The following HS3ST4 variants were observed in gnomAD, a reference collection of about 807,000 sequenced individuals.
HS3ST4 encodes heparan sulfate-glucosamine 3-sulfotransferase 4, also known as heparan sulfate glucosamine 3-O-sulfotransferase 4.
In HS3ST4, 17 loss-of-function variants were observed where a neutral mutation model predicts 29.2. The ratio of observed to expected loss-of-function variants is 0.58; its 90% CI spans 0.40 to 0.87. HS3ST4 has a LOEUF of 0.87. Ranked by LOEUF, HS3ST4 falls within the 40% of genes least tolerant of loss-of-function variation. HS3ST4 has a pLI of 0.00. For synonymous variants in HS3ST4, 314 were observed against 285.7 expected, an observed-to-expected ratio of 1.10 and a Z score of -1.00; for missense variants, 627 against 634.5, an observed-to-expected ratio of 0.99 and a Z score of 0.13.
rs370947868 is a variant in HS3ST4, at chr16:26,007,914, CT to C, written c.735-127684del. Among the ~76,000 whole-genome samples the C allele has an allele frequency of 8.3e-3, 1,204 of 144,588 alleles. 5 individuals carry two copies. The highest frequency in any genetic ancestry group is 0.019 in the African/African-American group (762 of 39,550). 94.9% of individuals were successfully genotyped at this position (144,588 alleles called of 152,430 possible). A position where few individuals can be genotyped will look rare whatever the true frequency, so the allele number is the denominator to read the frequency against. ...CCCAAGGCAGTTAGACACATGGCCA[CT>C]TTTTTTTTTTTTTAAAGCAGGAATT... On this transcript the variant is annotated intron_variant, in intron 1 of 1. Coordinates refer to ENST00000331351, the MANE Select transcript of HS3ST4 (RefSeq NM_006040.3).
intron 1 of HS3ST4, among the ~76,000 whole-genome samples, chr16:25,913,900 G>A (rs1375736720): frequency 6.7e-6 from 1 of 149,396 alleles, no homozygotes; most frequent in Non-Finnish European, 1.5e-5. Context: ...TTTGTGGAGT[G>A]TATGTGTGTG....
intron 1 of HS3ST4, among the ~76,000 whole-genome samples, chr16:26,126,021 A>C (rs1298249420): frequency 1.3e-5 from 2 of 152,346 alleles, no homozygotes; most frequent in South Asian, 2.1e-4. Context: ...GTTCTAACTC[A>C]AATTAAACCT....
rs142094396 is a variant in HS3ST4 at position 26,024,469 on chromosome 16, C to T, written c.735-111143C>T. ...TCTCAGGGCTGGGCGCAGTAGCTTA[C>T]ACCTGTAATCCCATCACTTTAGGAG... On this transcript the variant is annotated intron_variant, in intron 1 of 1. Coordinates refer to ENST00000331351, the MANE Select transcript of HS3ST4 (RefSeq NM_006040.3). Among the ~76,000 whole-genome samples the T allele has an allele frequency of 6.5e-3, 996 of 152,236 alleles. 6 individuals carry two copies. Among genetic ancestry groups the T allele is most frequent in the Non-Finnish European group, 0.011 (721 of 68,026 alleles).
intron 1 of HS3ST4, among the ~76,000 whole-genome samples, chr16:26,015,953 G>A (rs901364245): frequency 6.6e-6 from 1 of 152,104 alleles, no homozygotes; most frequent in Non-Finnish European, 1.5e-5. Context: ...GGTGGGGTGT[G>A]CTACTGAAAT....
chr16:25,920,605 C>CG (rs1478469976), intron 1 of HS3ST4, among the ~76,000 whole-genome samples: 60 of 150,052 alleles, frequency 4.0e-4, no homozygotes, highest in Admixed American at 1.3e-4. Context: ...CGCCCCCACC[C>CG]CTCTTTTTTT....
intron 1 of HS3ST4, among the ~76,000 whole-genome samples, chr16:26,046,437 C>T (rs1426259445): frequency 6.6e-6 from 1 of 152,148 alleles, no homozygotes; most frequent in African/African-American, 2.4e-5. Context: ...AGGCATGAGC[C>T]ACGGTACCCG....
chr16:26,077,244 G>A (rs1428944176), intron 1 of HS3ST4, among the ~76,000 whole-genome samples: 1 of 152,238 alleles, frequency 6.6e-6, no homozygotes, highest in Non-Finnish European at 1.5e-5. Context: ...CAGGGTCAGA[G>A]ACAGGCATAA....
chr16:25,748,279 T>A (rs1966697524), intron 1 of HS3ST4, among the ~76,000 whole-genome samples: 1 of 152,154 alleles, frequency 6.6e-6, no homozygotes, highest in South Asian at 2.1e-4. Context: ...ACCCATACTG[T>A]GCCCCATTAG....
At chr16:26,104,366 G>A (rs1899025869) in intron 1 of HS3ST4, among the ~76,000 whole-genome samples, 1 of 152,176 alleles carries the variant, frequency 6.6e-6, no homozygotes, top group South Asian at 2.1e-4. Context: ...GATTGGGTTT[G>A]TTGACAAAGG....
chr16:25,826,128 C>A (rs1245650641), intron 1 of HS3ST4: 2 of 152,206 alleles, frequency 1.3e-5, no homozygotes, highest in African/African-American at 4.8e-5. Flanking sequence ...TTTCCTAGAA[C>A]TTGCTCATTA....
rs1212906110 is a variant in HS3ST4, at chr16:25,828,315, T to TTCCTTTCC, written c.734+135164_734+135165insTCCTTTCC. Among the ~76,000 whole-genome samples the TTCCTTTCC allele has an allele frequency of 1.9e-3, 250 of 129,076 alleles. 10 individuals are homozygous for TTCCTTTCC. The highest frequency in any genetic ancestry group is 6.4e-3 in the African/African-American group (193 of 30,266). 84.7% of individuals were successfully genotyped at this position (129,076 alleles called of 152,430 possible). A position where few individuals can be genotyped will look rare whatever the true frequency, so the allele number is the denominator to read the frequency against. On this transcript the variant is annotated intron_variant, in intron 1 of 1. Transcript: ENST00000331351. Reference sequence around the variant, plus strand: ...TTCTTTCTTTCCCTCTCTCTCTCTCTCTCTCTCTCTCTCTCTCTCTCTCTT... The same window carrying TTCCTTTCC: ...TTCTTTCTTTCCCTCTCTCTCTCTCTTCCTTTCCCTCTCTCTCTCTCTCTCTCTCTCTT...
At chr16:25,844,830 A>G (rs908432969) in intron 1 of HS3ST4, among the ~76,000 whole-genome samples, 2 of 152,262 alleles carry the variant, frequency 1.3e-5, no homozygotes, top group African/African-American at 4.8e-5. Flanking sequence ...AACTGGATAA[A>G]GAAAATGTAC....
intron 1 of HS3ST4, among the ~76,000 whole-genome samples, chr16:26,103,359 C>A (rs541018795): frequency 6.6e-6 from 1 of 152,282 alleles, no homozygotes; most frequent in African/African-American, 2.4e-5. Context: ...GGCCATGTGA[C>A]TCCAACTCAA....
intron 1 of HS3ST4, among the ~76,000 whole-genome samples, chr16:25,857,805 CAT>C (rs1461879248): frequency 6.6e-6 from 1 of 152,098 alleles, no homozygotes; most frequent in East Asian, 1.9e-4. Context: ...TAGAAGTACT[CAT>C]AGCGTGAAAG....
chr16:25,956,712 G>C (rs1968736004), intron 1 of HS3ST4, among the ~76,000 whole-genome samples: 1 of 152,050 alleles, frequency 6.6e-6, no homozygotes, highest in African/African-American at 2.4e-5. Context: ...AAAAGCATGG[G>C]TTTTGGCTGG....
At chr16:25,946,640 A>G in intron 1 of HS3ST4, among the ~76,000 whole-genome samples, 1 of 152,222 alleles carries the variant, frequency 6.6e-6, no homozygotes, top group Admixed American at 6.5e-5. Flanking sequence ...AGTGGCAGAC[A>G]TGGACACAAA....
At chr16:25,964,016 C>T (rs1426260929) in intron 1 of HS3ST4, among the ~76,000 whole-genome samples, 6 of 151,862 alleles carry the variant, frequency 4.0e-5, no homozygotes, top group Admixed American at 1.3e-4. Context: ...ACTTTAAAAA[C>T]GTACAAAAAT....
intron 1 of HS3ST4, among the ~76,000 whole-genome samples, chr16:25,855,802 T>C (rs1199005854): frequency 6.6e-6 from 1 of 152,152 alleles, no homozygotes; most frequent in Admixed American, 6.6e-5. Context: ...GTTTTCACTT[T>C]CTTTAATCTT....
chr16:26,133,929 T>C (rs774879470), intron 1 of HS3ST4, among the ~76,000 whole-genome samples: 5 of 152,250 alleles, frequency 3.3e-5, no homozygotes, highest in Non-Finnish European at 5.9e-5. Context: ...TGGTGGCAGA[T>C]GGCCTGCTGT....
Sources: allele counts gnomAD v4.1 joint callset (sites outside exome capture counted in the v4.1 genomes callset), GRCh38; gene constraint gnomAD v4.1.1; transcripts MANE v1.5; gene names NCBI Gene and HGNC (gene_info 2026-07-23, HGNC 2026-07-21).